PBRM1: variants seen among roughly 807,000 people sequenced by gnomAD.
PBRM1 encodes polybromo 1, also known as protein polybromo-1.
A neutral mutation model predicts 194.5 loss-of-function variants in PBRM1; 27 were observed. The ratio of observed to expected loss-of-function variants is 0.14; its 90% confidence interval spans 0.10 to 0.19. PBRM1 has a LOEUF of 0.19. Among genes scored for constraint, PBRM1 ranks in the 10% least tolerant of loss-of-function variants. PBRM1 has a pLI of 1.00. For missense variants in PBRM1, 1,466 were observed against 2,077.2 expected, an observed-to-expected ratio of 0.71 and a Z score of 5.72; for synonymous variants, 655 against 693.2, an observed-to-expected ratio of 0.94 and a Z score of 0.87.
At chr3:52,604,649 CA>C (rs1458195037) in intron 16 of PBRM1, among the ~76,000 whole-genome samples, 2 of 151,866 alleles carry the variant, frequency 1.3e-5, no homozygotes, top group South Asian at 4.2e-4. Flanking sequence ...GTTATGATGG[CA>C]CCGCTGCATT....
chr3:52,613,607 G>T (rs79812755), intron 15 of PBRM1, among the ~76,000 whole-genome samples: 1 of 152,014 alleles, frequency 6.6e-6, no homozygotes, highest in East Asian at 1.9e-4. Context: ...GCCTCCGAAC[G>T]CACTGGAATT....
intron 2 of PBRM1, among the ~76,000 whole-genome samples, chr3:52,674,641 A>ATATAT (rs1286851215): frequency 6.6e-5 from 5 of 76,098 alleles, no homozygotes; most frequent in East Asian, 4.4e-4. Context: ...AAAAAAAAAA[A>ATATAT]AAATATATAT....
At chr3:52,648,533 T>C (rs2096393736) in intron 6 of PBRM1, 91 bp from the exon 8 acceptor site, 2 of 660,224 alleles carry the variant, frequency 3.0e-6, no homozygotes, top group Non-Finnish European at 5.2e-6. Context: ...TTCTAAATTG[T>C]CACCATATTC....
At chr3:52,607,964 A>G (rs1023622297) in intron 16 of PBRM1, among the ~76,000 whole-genome samples, 2 of 152,202 alleles carry the variant, frequency 1.3e-5, no homozygotes, top group Non-Finnish European at 2.9e-5. Flanking sequence ...TTTGCTCATA[A>G]CATTCATCTT....
At chr3:52,624,791 CT>C (rs750412124) in intron 13 of PBRM1, 105 bp downstream of exon 15, 5 of 759,850 alleles carry the variant, frequency 6.6e-6, no homozygotes, top group East Asian at 2.7e-5. Flanking sequence ...CCAATAAAGA[CT>C]TTTTTTCACA....
upstream of PBRM1, among the ~76,000 whole-genome samples, chr3:52,682,949 C>T (rs960270000): frequency 6.6e-6 from 1 of 152,056 alleles, no homozygotes; most frequent in Non-Finnish European, 1.5e-5. Context: ...TCTGTAATCC[C>T]AGCGCTTTGG....
chr3:52,658,412 CTT>C (rs200866604), intron 4 of PBRM1, 97 bp from the exon 6 acceptor site: 7,835 of 432,420 alleles, frequency 0.018, no homozygotes, highest in South Asian at 0.027. Context: ...AAAACAGCAA[CTT>C]TTTTTTTTTT....
At chr3:52,674,155 C>G (rs757038960) in intron 2 of PBRM1, among the ~76,000 whole-genome samples, 14 of 150,996 alleles carry the variant, frequency 9.3e-5, no homozygotes, top group Non-Finnish European at 2.1e-4. Context: ...TTTAAAAGAT[C>G]AACAAAATTG....
intron 22 of PBRM1, among the ~76,000 whole-genome samples, chr3:52,572,234 A>G (rs1045136875): frequency 6.6e-6 from 1 of 152,138 alleles, no homozygotes; most frequent in Non-Finnish European, 1.5e-5. Flanking sequence ...CGTTATAAAA[A>G]TCTACTGTGA....
intron 17 of PBRM1, among the ~76,000 whole-genome samples, chr3:52,597,536 T>C (rs1250529632): frequency 2.0e-5 from 3 of 152,168 alleles, no homozygotes; most frequent in Non-Finnish European, 2.9e-5. Flanking sequence ...AGTAACACTA[T>C]CAGTTTACTC....
rs1406554299 is a variant in PBRM1 at position 52,586,611 on chromosome 3, G to C, written c.3201C>G (p.Thr1067=). The C allele has an allele frequency of 1.9e-6, 3 of 1,613,728 alleles. No homozygotes were observed. In the East Asian group the frequency reaches 6.7e-5, roughly 36 times the overall value. Residue 1067 remains threonine (T), a synonymous_variant, in exon 20 of 30, where the codon ACC becomes ACG. Transcript: ENST00000296302. ...ACAGTTTAATTTTCTTAAAAGATTT[G>C]GTTTTGGCAGAATACCGTGATTCAC...
At chr3:52,614,626 A>G (rs1370148665) in intron 15 of PBRM1, among the ~76,000 whole-genome samples, 4 of 146,664 alleles carry the variant, frequency 2.7e-5, no homozygotes, top group African/African-American at 1.0e-4. Context: ...GCTGAAGTAC[A>G]GTGGTGTGAT....
At chr3:52,594,096 G>C (rs936917484) in intron 17 of PBRM1, among the ~76,000 whole-genome samples, 5 of 152,152 alleles carry the variant, frequency 3.3e-5, no homozygotes, top group Non-Finnish European at 7.3e-5. Context: ...TACCCAGGCT[G>C]CTCTTGAAGG....
At chr3:52,548,101 G>A in exon 30 of PBRM1, 1 of 1,610,488 alleles carries the variant, frequency 6.2e-7, no homozygotes, top group East Asian at 2.2e-5. Context: ...CGAATGTTGA[G>A]GGTGTCCCGG....
At chr3:52,600,720 C>A (rs941917917) in intron 17 of PBRM1, among the ~76,000 whole-genome samples, 4 of 152,194 alleles carry the variant, frequency 2.6e-5, no homozygotes, top group Non-Finnish European at 4.4e-5. Context: ...CTCACTACAA[C>A]CTTCACCTCC....
chr3:52,574,426 A>G (rs918877217), intron 22 of PBRM1, among the ~76,000 whole-genome samples: 1 of 152,232 alleles, frequency 6.6e-6, no homozygotes, highest in Non-Finnish European at 1.5e-5. Context: ...GGGCACAAAC[A>G]TTCAAATCAC....
At chr3:52,570,728 G>T (rs891647101) in intron 22 of PBRM1, among the ~76,000 whole-genome samples, 68 of 152,264 alleles carry the variant, frequency 4.5e-4, no homozygotes, top group Middle Eastern at 3.4e-3. Flanking sequence ...GATCAATTTG[G>T]GGGGAACTGG....
At chr3:52,566,007 G>A (rs1235237659) in intron 22 of PBRM1, among the ~76,000 whole-genome samples, 2 of 151,476 alleles carry the variant, frequency 1.3e-5, no homozygotes, top group African/African-American at 2.4e-5. Flanking sequence ...CCGAGATTGC[G>A]CCACTGCACT....
intron 4 of PBRM1, among the ~76,000 whole-genome samples, chr3:52,659,213 G>A (rs1366144911): frequency 1.3e-5 from 2 of 152,212 alleles, no homozygotes; most frequent in African/African-American, 4.8e-5. Flanking sequence ...ATGCCCCAAA[G>A]AGTACTTGAC....
Sources: gnomAD v4.1 joint callset for allele counts (sites outside exome capture counted in the v4.1 genomes callset) on GRCh38, gnomAD v4.1.1 for gene constraint, MANE v1.5 for transcripts, NCBI Gene and HGNC (gene_info 2026-07-23, HGNC 2026-07-21) for gene names.